The following SLC39A14 variants were observed in gnomAD, a reference collection of about 807,000 sequenced individuals.
SLC39A14 encodes solute carrier family 39 member 14, also known as metal cation symporter ZIP14.
In SLC39A14, 19 loss-of-function variants were observed where a neutral mutation model predicts 45.5. The ratio of observed to expected loss-of-function variants is 0.42; its 90% CI spans 0.29 to 0.61. SLC39A14 has a LOEUF of 0.61. SLC39A14 is among the 20% of genes least tolerant of loss of function. The probability of loss-of-function intolerance (pLI) is 0.22; values close to 1 mark genes in which losing one functional copy is unlikely to be tolerated. For missense variants in SLC39A14, 447 were observed against 616.5 expected (o/e 0.73, Z 2.91); for synonymous variants, 264 against 251.3 (o/e 1.05, Z -0.48).
intron 1 of SLC39A14, among the ~76,000 whole-genome samples, chr8:22,368,559 C>T (rs949633967): frequency 7.6e-5 from 11 of 145,090 alleles, no homozygotes; most frequent in Non-Finnish European, 1.5e-4. Context: ...TTATTTGAGA[C>T]GGAGTCTCAC....
chr8:22,417,494 T>C (rs944833264), intron 7 of SLC39A14, among the ~76,000 whole-genome samples, 157 bp from the exon 8 acceptor site: 1 of 152,180 alleles, frequency 6.6e-6, no homozygotes, highest in Non-Finnish European at 1.5e-5. Context: ...CTTGTATGAC[T>C]GGCTCTCACT....
In SLC39A14 at chr8:22,422,161, C is replaced by T. The variant is rs542122908; in HGVS notation, c.*2463C>T. 5.1e-6 allele frequency: 5 copies of T among 985,440 alleles called. No homozygotes were observed. The East Asian group carries it at 5.7e-4, about 112-fold the overall frequency. 61.0% of individuals were successfully genotyped at this position (985,440 alleles called of 1,614,324 possible). On this transcript the variant is annotated 3_prime_UTR_variant, in exon 9 of 9. Coordinates refer to ENST00000381237, the MANE Select transcript of SLC39A14 (RefSeq NM_001128431.4). ...GCAAGTCAGTGGGAGGACTTTTTCA[C>T]CCCTGGCATTAGCAGCTTCGACCTC...
intron 8 of SLC39A14, among the ~76,000 whole-genome samples, chr8:22,430,898 C>G (rs1836455949): frequency 6.6e-6 from 1 of 152,080 alleles, no homozygotes; most frequent in East Asian, 1.9e-4. Flanking sequence ...GTCTTTAACT[C>G]CTGGCCTCAA....
At chr8:22,394,537 T>C (rs1336649351) in intron 1 of SLC39A14, among the ~76,000 whole-genome samples, 1 of 151,798 alleles carries the variant, frequency 6.6e-6, no homozygotes, top group East Asian at 1.9e-4. Context: ...GCCAGGATGG[T>C]CTTGATCTCC....
downstream of SLC39A14, among the ~76,000 whole-genome samples, chr8:22,425,212 G>C (rs1324179003): frequency 6.6e-6 from 1 of 152,072 alleles, no homozygotes; most frequent in Non-Finnish European, 1.5e-5. Context: ...AGGTGTACTT[G>C]TGGCCCACGT....
intron 4 of SLC39A14, 123 bp from the exon 5 acceptor site, chr8:22,414,657 C>A: frequency 9.8e-7 from 1 of 1,017,314 alleles, no homozygotes; most frequent in Non-Finnish European, 1.4e-6. Context: ...GGGTAGACGG[C>A]AGAGTTACTC....
At chr8:22,410,218 C>T in intron 3 of SLC39A14, 2 of 1,200,926 alleles carry the variant, frequency 1.7e-6, no homozygotes, top group East Asian at 2.4e-5. Flanking sequence ...CAATGACTGC[C>T]ACCTGAGAAA....
chr8:22,430,225 C>T (rs886914134), intron 8 of SLC39A14, among the ~76,000 whole-genome samples: 2 of 152,108 alleles, frequency 1.3e-5, no homozygotes, highest in Non-Finnish European at 2.9e-5. Context: ...CTACCTCAAC[C>T]AGCCTGGCTA....
chr8:22,380,918 C>T (rs1171718778), intron 1 of SLC39A14, among the ~76,000 whole-genome samples: 1 of 152,020 alleles, frequency 6.6e-6, no homozygotes, highest in Non-Finnish European at 1.5e-5. Flanking sequence ...CTCACACAAT[C>T]CACCCCCTTG....
rs1163968333 is a variant in SLC39A14 at position 22,419,542 on chromosome 8, T to G, written c.1333-10T>G. 2.5e-6 allele frequency: 4 copies of G among 1,607,880 alleles called. No homozygotes were observed. Reference sequence around the variant, plus strand: ...AATTGCAGCTGTGTTGTTTCTTGCTTCTTTCCCAGTTCCCTGAGATGAATG... The same window carrying G: ...AATTGCAGCTGTGTTGTTTCTTGCTGCTTTCCCAGTTCCCTGAGATGAATG... On this transcript the variant is annotated splice_polypyrimidine_tract_variant and intron_variant, in intron 8 of 8. Transcript: ENST00000381237.
At chr8:22,425,977 C>T (rs1429169474), downstream of SLC39A14, among the ~76,000 whole-genome samples, 1 of 150,300 alleles carries the variant, frequency 6.7e-6, no homozygotes, top group Admixed American at 6.8e-5. Flanking sequence ...CCGCAACCTC[C>T]ACCTCCCAGA....
chr8:22,402,240 C>G (rs1446379040), intron 1 of SLC39A14, among the ~76,000 whole-genome samples: 1 of 152,184 alleles, frequency 6.6e-6, no homozygotes, highest in East Asian at 1.9e-4. Flanking sequence ...ACAAAATTAG[C>G]CGGGCGTGGT....
At chr8:22,399,250 G>A (rs1334962218) in intron 1 of SLC39A14, among the ~76,000 whole-genome samples, 1 of 152,266 alleles carries the variant, frequency 6.6e-6, no homozygotes, top group Non-Finnish European at 1.5e-5. Flanking sequence ...CGGCCTCCCC[G>A]TCCCAGCGGC....
intron 1 of SLC39A14, among the ~76,000 whole-genome samples, chr8:22,391,110 T>A (rs1270277183): frequency 6.6e-6 from 1 of 152,216 alleles, no homozygotes; most frequent in Admixed American, 6.5e-5. Context: ...TAGAGTCTTG[T>A]TAATTCAGCT....
chr8:22,420,074 A>C lies in SLC39A14; in HGVS notation c.*376A>C. The C allele has an allele frequency of 1.0e-6, 1 of 999,442 alleles. No individual in the cohort carries two copies. Among genetic ancestry groups the C allele is most frequent in the Non-Finnish European group, 1.2e-6 (1 of 839,142 alleles). The allele number at this position is 999,442 out of a possible 1,614,324, so 61.9% of individuals were successfully genotyped here. ...ATGCAAAAATAGAGCCAATGGTTAT[A>C]ACTTGGCTAGAAATATCAAGAGTTG... On this transcript the variant is annotated 3_prime_UTR_variant, in exon 9 of 9. Coordinates refer to ENST00000381237, the MANE Select transcript of SLC39A14 (RefSeq NM_001128431.4).
intron 1 of SLC39A14, chr8:22,393,365 C>A: frequency 5.5e-6 from 2 of 366,108 alleles, no homozygotes; most frequent in Non-Finnish European, 3.8e-6. Context: ...GTGAAGGTGT[C>A]AGCCTAGGTC....
At chr8:22,413,232 G>A (rs1047966355) in intron 4 of SLC39A14, among the ~76,000 whole-genome samples, 1 of 152,184 alleles carries the variant, frequency 6.6e-6, no homozygotes, top group Admixed American at 6.5e-5. Flanking sequence ...AAGCAGAGAT[G>A]ACTGCATGCG....
chr8:22,401,831 C>T (rs970294714), intron 1 of SLC39A14, among the ~76,000 whole-genome samples: 4 of 152,028 alleles, frequency 2.6e-5, no homozygotes, highest in East Asian at 2.0e-4. Context: ...CCACTGTGCC[C>T]GGCCTCATTT....
chr8:22,379,682 G>A (rs905938110), intron 1 of SLC39A14, among the ~76,000 whole-genome samples: 4 of 152,208 alleles, frequency 2.6e-5, no homozygotes, highest in African/African-American at 7.2e-5. Context: ...TGTAATCCCA[G>A]CACTTTGGGA....
Sources: gnomAD v4.1 joint callset for allele counts (sites outside exome capture counted in the v4.1 genomes callset) on GRCh38, gnomAD v4.1.1 for gene constraint, MANE v1.5 for transcripts, NCBI Gene and HGNC (gene_info 2026-07-23, HGNC 2026-07-21) for gene names.